The following MAP4K3 variants were observed in gnomAD, a reference collection of about 807,000 sequenced individuals.
The protein encoded by MAP4K3 is mitogen-activated protein kinase kinase kinase kinase 3.
In MAP4K3, 94 loss-of-function variants were observed where a neutral mutation model predicts 143.5. The observed-to-expected ratio is 0.65, with a 90% CI of 0.55 to 0.78. The LOEUF (loss-of-function observed/expected upper bound fraction) is 0.78, where lower values mean the gene tolerates loss of function less well. Among genes scored for constraint, MAP4K3 ranks in the 30% least tolerant of loss-of-function variants. The probability of loss-of-function intolerance (pLI) is 0.00; values close to 1 mark genes in which losing one functional copy is unlikely to be tolerated. For synonymous variants in MAP4K3, 416 were observed against 347.2 expected (o/e 1.20, Z -2.20); for missense variants, 1,077 against 1,068.1 (o/e 1.01, Z -0.12).
intron 2 of MAP4K3, among the ~76,000 whole-genome samples, chr2:39,376,403 T>C (rs1666219801): frequency 1.3e-5 from 2 of 152,244 alleles, no homozygotes; most frequent in Admixed American, 6.5e-5. Context: ...TAGTTGTATA[T>C]TCTACTTTTA....
At position 39,260,657 on chromosome 2, in the gene MAP4K3, G is replaced by A. The variant is rs1432706724; in HGVS notation, c.2257C>T (p.Arg753Ter). The A allele has an allele frequency of 6.8e-6, 11 of 1,613,808 alleles. No individual in the cohort carries two copies. The highest frequency in any genetic ancestry group is 7.6e-6 in the Non-Finnish European group (9 of 1,179,972). Residue 753 changes from arginine to a stop codon, truncating the protein, a stop_gained, in exon 29 of 34, where the codon CGA becomes TGA. Coordinates refer to ENST00000263881, the MANE Select transcript of MAP4K3 (RefSeq NM_003618.4). LOFTEE classifies it high-confidence loss of function. ...SRGRDFNQVV[R>*]FETVNPNSTS... ...GAATTTGGATTGACCGTCTCAAATC[G>A]AACCACTTGGTTGAAGTCTCTACCT...
chr2:39,371,916 A>T (rs976722840), intron 2 of MAP4K3, among the ~76,000 whole-genome samples: 12 of 150,154 alleles, frequency 8.0e-5, no homozygotes, highest in African/African-American at 2.9e-4. Context: ...TATTACATAT[A>T]TTTATATATT....
intron 16 of MAP4K3, chr2:39,294,432 A>G (rs1454557284): frequency 6.6e-6 from 1 of 152,224 alleles, no homozygotes; most frequent in Non-Finnish European, 1.5e-5. Context: ...TTGGAGATAC[A>G]AAAAGTGAGG....
intron 3 of MAP4K3, among the ~76,000 whole-genome samples, chr2:39,347,903 T>A (rs77540647): frequency 3.3e-5 from 5 of 152,010 alleles, no homozygotes; most frequent in Non-Finnish European, 7.4e-5. Context: ...TCAACTTTAA[T>A]AGTCTGTATT....
At chr2:39,391,758 C>G (rs1364787919) in intron 1 of MAP4K3, among the ~76,000 whole-genome samples, 4 of 152,090 alleles carry the variant, frequency 2.6e-5, no homozygotes, top group African/African-American at 9.7e-5. Flanking sequence ...TGATTTCTAA[C>G]ATTTTCGTGG....
At chr2:39,300,184 ATAG>A (rs1682452771) in intron 15 of MAP4K3, among the ~76,000 whole-genome samples, 1 of 152,198 alleles carries the variant, frequency 6.6e-6, no homozygotes, top group Non-Finnish European at 1.5e-5. Flanking sequence ...TACTTTGTAT[ATAG>A]TATCTAAAAT....
chr2:39,392,437 G>A (rs1301511630), intron 1 of MAP4K3, among the ~76,000 whole-genome samples: 1 of 152,120 alleles, frequency 6.6e-6, no homozygotes, highest in Admixed American at 6.5e-5. Context: ...GCATCCCAAA[G>A]TGACGCTCTT....
At chr2:39,423,928 A>AT in intron 1 of MAP4K3, among the ~76,000 whole-genome samples, 1 of 152,288 alleles carries the variant, frequency 6.6e-6, no homozygotes, top group Non-Finnish European at 1.5e-5. Context: ...CATAATAATA[A>AT]TGTATCAGTA....
intron 28 of MAP4K3, among the ~76,000 whole-genome samples, chr2:39,263,019 G>A (rs1680627833): frequency 6.6e-6 from 1 of 151,900 alleles, no homozygotes; most frequent in Non-Finnish European, 1.5e-5. Context: ...TTGATCCTGG[G>A]AGGCTGAGGG....
At chr2:39,413,075 A>G (rs77429722) in intron 1 of MAP4K3, among the ~76,000 whole-genome samples, 5,966 of 152,312 alleles carry the variant, frequency 0.039, 148 homozygotes, top group South Asian at 0.052. Flanking sequence ...TAAAATGTCA[A>G]GCTTTTTGTC....
intron 1 of MAP4K3, among the ~76,000 whole-genome samples, chr2:39,387,892 A>C (rs993236872): frequency 6.6e-6 from 1 of 152,246 alleles, no homozygotes; most frequent in Non-Finnish European, 1.5e-5. Context: ...CTAATAAAAA[A>C]AAATTTTAAA....
intron 13 of MAP4K3, among the ~76,000 whole-genome samples, chr2:39,313,450 C>G (rs1683006558): frequency 2.6e-5 from 2 of 76,838 alleles, no homozygotes; most frequent in East Asian, 4.9e-4. Flanking sequence ...GTTCTTCTTT[C>G]TTTCCTTCTT....
intron 31 of MAP4K3, among the ~76,000 whole-genome samples, chr2:39,256,190 C>T (rs1317812397): frequency 6.6e-6 from 1 of 152,118 alleles, no homozygotes; most frequent in African/African-American, 2.4e-5. Context: ...CTTACTAACT[C>T]TAGTAACTTA....
intron 2 of MAP4K3, among the ~76,000 whole-genome samples, chr2:39,366,287 G>A (rs1468930891): frequency 6.6e-6 from 1 of 151,224 alleles, no homozygotes; most frequent in Non-Finnish European, 1.5e-5. Flanking sequence ...TGGGGGTGGA[G>A]GTGGTGGCTT....
At position 39,272,553 on chromosome 2, in the gene MAP4K3, A is replaced by G. The variant is rs372770388; in HGVS notation, c.1795-11T>C. On this transcript the variant is annotated splice_polypyrimidine_tract_variant and intron_variant, in intron 24 of 33. Transcript: ENST00000263881. ...CCTTCGAGGGAATAGCTGATTAAAA[A>G]AAGGCACAAAGTTTACAAAGAATAA... 1 of 1,610,436 alleles carries G rather than the reference A, an allele frequency of 6.2e-7. No individual in the cohort carries two copies. Among genetic ancestry groups the G allele is most frequent in the Non-Finnish European group, 8.5e-7 (1 of 1,177,070 alleles).
chr2:39,357,813 G>C (rs1665652730), intron 2 of MAP4K3, among the ~76,000 whole-genome samples: 1 of 152,202 alleles, frequency 6.6e-6, no homozygotes, highest in African/African-American at 2.4e-5. Context: ...TACTTTGGAA[G>C]TTCTGGACTT....
chr2:39,277,211 C>A (rs1681298892), intron 24 of MAP4K3, among the ~76,000 whole-genome samples: 1 of 152,218 alleles, frequency 6.6e-6, no homozygotes, highest in South Asian at 2.1e-4. Flanking sequence ...GCCTACCCAG[C>A]TCCATCTATT....
At chr2:39,340,602 A>C (rs750715228) in intron 4 of MAP4K3, among the ~76,000 whole-genome samples, 1 of 152,222 alleles carries the variant, frequency 6.6e-6, no homozygotes, top group Non-Finnish European at 1.5e-5. Flanking sequence ...CTTCTTAATG[A>C]AGAAAGCAGA....
chr2:39,338,852 A>G (rs1665058293), intron 4 of MAP4K3, among the ~76,000 whole-genome samples: 1 of 152,190 alleles, frequency 6.6e-6, no homozygotes, highest in African/African-American at 2.4e-5. Flanking sequence ...ACTCTATGAG[A>G]AATGGGTCCT....
Sources: gnomAD v4.1 joint callset for allele counts (sites outside exome capture counted in the v4.1 genomes callset) on GRCh38, gnomAD v4.1.1 for gene constraint, MANE v1.5 for transcripts, NCBI Gene and HGNC (gene_info 2026-07-23, HGNC 2026-07-21) for gene names.